UTS2R: variants seen among roughly 807,000 people sequenced by gnomAD.
The protein encoded by UTS2R is urotensin 2 receptor, also known as urotensin-2 receptor.
For missense variants in UTS2R, 653 were observed against 562.2 expected (o/e 1.16, Z -1.63); for synonymous variants, 335 against 280.9 (o/e 1.19, Z -1.93).
Position 82,374,616 on chromosome 17 carries a change from C to T in UTS2R, c.292C>T (p.Leu98=). 6.2e-7 allele frequency: 1 copy of T among 1,611,892 alleles called. No homozygotes were observed. The highest frequency in any genetic ancestry group is 1.7e-4 in the Middle Eastern group (1 of 6,060). ...VYVVNLALAD[L]LYLLSIPFIV... is the part of the protein sequence containing the mutation. The stretch of plus-strand genomic sequence containing the variant: ...CGTGGTCAACCTGGCGCTGGCCGAC[C>T]TGCTGTACCTGCTCAGCATCCCCTT... The change falls in exon 3 of 3, where the codon CTG becomes TTG. Residue 98 remains leucine (L), a synonymous_variant. Transcript: ENST00000313135.
In UTS2R at chr17:82,374,365, TG is replaced by T; in HGVS notation, c.43del (p.Ala15ProfsTer118). On this transcript the variant is annotated frameshift_variant, in exon 3 of 3. Transcript: ENST00000313135. LOFTEE classifies it low-confidence loss of function (END_TRUNC). The stretch of plus-strand genomic sequence containing the variant: ...GAGTCCCCGAGCAGCTTCCCTGGGC[TG>T]GCCGCCACTGGCAGCTCTGTGCCGG... ...TPESPSSFPG[L>X]AATGSSVPEP... The T allele has an allele frequency of 6.3e-7, 1 of 1,584,316 alleles. No homozygotes were observed. The highest frequency in any genetic ancestry group is 1.1e-5 in the South Asian group (1 of 88,376).
At position 82,374,986 on chromosome 17, in the gene UTS2R, C is replaced by T; in HGVS notation, c.662C>T (p.Ala221Val). 1.6e-6 allele frequency: 2 copies of T among 1,240,120 alleles called. No homozygotes were observed. Among genetic ancestry groups the T allele is most frequent in the African/African-American group, 1.6e-5 (1 of 64,346 alleles). The allele number at this position is 1,240,120 out of a possible 1,614,324, so 76.8% of individuals were successfully genotyped here. A position where few individuals can be genotyped will look rare whatever the true frequency, so the allele number is the denominator to read the frequency against. Residue 221 changes from alanine (A) to valine (V), a missense_variant, in exon 3 of 3, where the codon GCG becomes GTG. Physicochemically the swap from Ala to Val is moderately conservative, Grantham distance 64. Coordinates refer to ENST00000313135, the MANE Select transcript of UTS2R (RefSeq NM_018949.3). ...ACGCTGCTCTTCGCCACCAGCATCGCGGGGCCCGGGCTGCTCATCGGGCTG... is the reference window on the plus strand; with the variant it reads ...ACGCTGCTCTTCGCCACCAGCATCGTGGGGCCCGGGCTGCTCATCGGGCTG... ...YLTLLFATSI[A>V]GPGLLIGLLY...
rs2052454502 is a variant in UTS2R at position 82,371,948 on chromosome 17, G to A, written c.-368G>A. 6.6e-6 allele frequency among the ~76,000 whole-genome samples: 1 copy of A among 151,958 alleles called. No individual in the cohort carries two copies. Among genetic ancestry groups the A allele is most frequent in the African/African-American group, 2.4e-5 (1 of 41,400 alleles). ...GGGAGCGCGCCTCGGAAAGTTCCCC[G>A]CGGCCCCGCTGCGCGAGGAGTTTGG... On this transcript the variant is annotated 5_prime_UTR_variant, in exon 1 of 3. Coordinates refer to ENST00000313135, the MANE Select transcript of UTS2R (RefSeq NM_018949.3). The surrounding 1 kb of genome is among the most constrained non-coding windows in gnomAD (Gnocchi z 6.3).
chr17:82,372,082 G>T (rs1240791209), intron 1 of UTS2R, among the ~76,000 whole-genome samples, 35 bp downstream of exon 1: 2 of 152,172 alleles, frequency 1.3e-5, no homozygotes, highest in Admixed American at 6.5e-5. Flanking sequence ...AGCGCGCGGG[G>T]ACTGCCGGGT....
chr17:82,375,758 C>T lies in UTS2R; in HGVS notation c.*264C>T, dbSNP rs1217908407. 1.3e-5 allele frequency among the ~76,000 whole-genome samples: 2 copies of T among 152,234 alleles called. No individual in the cohort carries two copies. The highest frequency in any genetic ancestry group is 6.5e-5 in the Admixed American group (1 of 15,290). ...ACAGAGGGCAGCAGGCGCCAGTGCCCGGCCCGTGTGGAGACCATGGCGCGG... is the reference window on the plus strand; with the variant it reads ...ACAGAGGGCAGCAGGCGCCAGTGCCTGGCCCGTGTGGAGACCATGGCGCGG... On this transcript the variant is annotated 3_prime_UTR_variant, in exon 3 of 3. Transcript: ENST00000313135.
rs368102725 is a variant in UTS2R at position 82,373,049 on chromosome 17, C to T, written c.-83+266C>T. Among the ~76,000 whole-genome samples the T allele has an allele frequency of 2.0e-5, 3 of 152,288 alleles. No homozygotes were observed. The East Asian group carries it at 5.8e-4, about 29-fold the overall frequency. The stretch of plus-strand genomic sequence containing the variant: ...GCGTGGGTGTCCTTTTCAGGAAGTC[C>T]CCGGTCACGGTTTTGGTCTCTTTTT... On this transcript the variant is annotated intron_variant, in intron 2 of 2. Coordinates refer to ENST00000313135, the MANE Select transcript of UTS2R (RefSeq NM_018949.3).
Position 82,372,268 on chromosome 17 carries a change from C to T in UTS2R, c.-269+221C>T, listed in dbSNP as rs541713337. ...TCCTAGCGGCCCGGCGGCCGCTGTC[C>T]CCCTGCCCGTGACTCGGGCTCGCGC... is the stretch of plus-strand genomic sequence containing the variant. On this transcript the variant is annotated intron_variant, in intron 1 of 2. Transcript: ENST00000313135. 1.1e-4 allele frequency among the ~76,000 whole-genome samples: 16 copies of T among 152,310 alleles called. No homozygotes were observed. In the East Asian group the frequency reaches 1.2e-3, roughly 11 times the overall value.
In UTS2R at chr17:82,374,629, T is replaced by C; in HGVS notation, c.305T>C (p.Leu102Pro). The C allele has an allele frequency of 6.2e-7, 1 of 1,612,886 alleles. No individual in the cohort carries two copies. Among genetic ancestry groups the C allele is most frequent in the Non-Finnish European group, 8.5e-7 (1 of 1,179,718 alleles). ...GCGCTGGCCGACCTGCTGTACCTGC[T>C]CAGCATCCCCTTCATCGTGGCCACC... is the stretch of plus-strand genomic sequence containing the variant. The part of the protein sequence containing the change: ...NLALADLLYL[L>P]SIPFIVATYV... The change falls in exon 3 of 3, where the codon CTC becomes CCC. Residue 102 changes from leucine (L) to proline (P), a missense_variant. Coordinates refer to ENST00000313135, the MANE Select transcript of UTS2R (RefSeq NM_018949.3).
rs947688278 is a variant in UTS2R at position 82,375,955 on chromosome 17, G to A, written c.*461G>A. Among the ~76,000 whole-genome samples, 1 of 152,354 alleles carries A rather than the reference G, an allele frequency of 6.6e-6. No homozygotes were observed. The highest frequency in any genetic ancestry group is 1.9e-4 in the East Asian group (1 of 5,178). ...CATCTGAGGTGTGGGAGGATCGGCC[G>A]GCAGGATCCCCAGGACGACAACGGC... On this transcript the variant is annotated 3_prime_UTR_variant, in exon 3 of 3. Coordinates refer to ENST00000313135, the MANE Select transcript of UTS2R (RefSeq NM_018949.3).
rs746658457 is a variant in UTS2R, at chr17:82,375,334, G to T, written c.1010G>T (p.Gly337Val). Reference sequence around the variant, plus strand: ...CGCGTGCGGGGCCCGGGCAGCGGGGGAGGCCGGGGGCCCGTTCCCTCCCTG... The same window carrying T: ...CGCGTGCGGGGCCCGGGCAGCGGGGTAGGCCGGGGGCCCGTTCCCTCCCTG... ...RGRVRGPGSGGGRGPVPSLQP... is the reference protein window; with the variant it reads ...RGRVRGPGSGVGRGPVPSLQP... Residue 337 changes from glycine to valine, a missense_variant, in exon 3 of 3, where the codon GGA becomes GTA. Transcript: ENST00000313135. 1.9e-6 allele frequency: 3 copies of T among 1,555,410 alleles called. No homozygotes were observed. The highest frequency in any genetic ancestry group is 2.8e-5 in the African/African-American group (2 of 71,324).
rs1396905947 is a variant in UTS2R at position 82,374,456 on chromosome 17, C to T, written c.132C>T (p.Ser44=). 3 of 1,598,878 alleles carry T rather than the reference C, an allele frequency of 1.9e-6. No individual in the cohort carries two copies. The highest frequency in any genetic ancestry group is 2.6e-6 in the Non-Finnish European group (3 of 1,175,044). The part of the protein sequence containing the change: ...SSWASPTEPS[S]LEDLVATGTI... ...GGGCCAGCCCGACCGAGCCCAGCTCCCTGGAGGACCTGGTGGCCACGGGCA... is the reference window on the plus strand; with the variant it reads ...GGGCCAGCCCGACCGAGCCCAGCTCTCTGGAGGACCTGGTGGCCACGGGCA... Residue 44 remains serine, a synonymous_variant, in exon 3 of 3, where the codon TCC becomes TCT. Transcript: ENST00000313135.
chr17:82,375,358 T>G lies in UTS2R; in HGVS notation c.1034T>G (p.Leu345Arg), dbSNP rs1268935222. 1.3e-6 allele frequency: 2 copies of G among 1,577,242 alleles called. No homozygotes were observed. The highest frequency in any genetic ancestry group is 1.8e-5 in the Admixed American group (1 of 56,622). The change falls in exon 3 of 3, where the codon CTG becomes CGG. Residue 345 changes from leucine (L) to arginine (R), a missense_variant. Leu to Arg is a moderately radical substitution (Grantham distance 102). Coordinates refer to ENST00000313135, the MANE Select transcript of UTS2R (RefSeq NM_018949.3). ...GGAGGCCGGGGGCCCGTTCCCTCCC[T>G]GCAGCCCCGCGCCCGCTTCCAGCGC... ...SGGGRGPVPS[L>R]QPRARFQRCS...
chr17:82,374,839 G>A lies in UTS2R; in HGVS notation c.515G>A (p.Gly172Asp), dbSNP rs1233357023. 2.8e-6 allele frequency: 4 copies of A among 1,443,236 alleles called. No individual in the cohort carries two copies. In the African/African-American group the frequency reaches 4.2e-5, roughly 15 times the overall value. 89.4% of individuals were successfully genotyped at this position (1,443,236 alleles called of 1,614,324 possible). Reference protein sequence around the residue: ...PKGYRKLLALGTWLLALLLTL... With the variant: ...PKGYRKLLALDTWLLALLLTL... ...GGCTACCGCAAGCTGCTGGCGCTGG[G>A]CACCTGGCTGCTGGCGCTGCTGCTG... The change falls in exon 3 of 3, where the codon GGC (glycine) becomes GAC (aspartate). Residue 172 changes from glycine to aspartate, a missense_variant. Physicochemically the swap from Gly to Asp is moderately conservative, Grantham distance 94. Coordinates refer to ENST00000313135, the MANE Select transcript of UTS2R (RefSeq NM_018949.3).
At chr17:82,372,416 G>T (rs1419746953) in intron 1 of UTS2R, among the ~76,000 whole-genome samples, 182 bp from the exon 2 acceptor site, 1 of 152,190 alleles carries the variant, frequency 6.6e-6, no homozygotes, top group African/African-American at 2.4e-5. Flanking sequence ...GCTGGGAGCT[G>T]CTCGGCCTGG....
rs558216937 is a variant in UTS2R at position 82,372,015 on chromosome 17, G to A, written c.-301G>A. 3.9e-5 allele frequency among the ~76,000 whole-genome samples: 6 copies of A among 152,174 alleles called. No individual in the cohort carries two copies. In the East Asian group the frequency reaches 9.7e-4, roughly 25 times the overall value. On this transcript the variant is annotated 5_prime_UTR_variant, in exon 1 of 3. Coordinates refer to ENST00000313135, the MANE Select transcript of UTS2R (RefSeq NM_018949.3). ...CCCCACGCGCGACCCCAGGCTCGGCGGGCAGGTCTGGCCGCTCAGTGACCG... is the reference window on the plus strand; with the variant it reads ...CCCCACGCGCGACCCCAGGCTCGGCAGGCAGGTCTGGCCGCTCAGTGACCG...
Position 82,374,854 on chromosome 17 carries a change from C to A in UTS2R, c.530C>A (p.Ala177Glu). 2.2e-6 allele frequency: 3 copies of A among 1,378,640 alleles called. No homozygotes were observed. Among genetic ancestry groups the A allele is most frequent in the African/African-American group, 1.4e-5 (1 of 70,820 alleles). The allele number at this position is 1,378,640 out of a possible 1,614,324, so 85.4% of individuals were successfully genotyped here. A position where few individuals can be genotyped will look rare whatever the true frequency, so the allele number is the denominator to read the frequency against. ...CTGGCGCTGGGCACCTGGCTGCTGG[C>A]GCTGCTGCTGACGCTGCCCGTGATG... ...KLLALGTWLL[A>E]LLLTLPVMLA... Residue 177 changes from alanine to glutamate, a missense_variant, in exon 3 of 3, where the codon GCG (alanine) becomes GAG (glutamate). Ala to Glu is a moderately radical substitution (Grantham distance 107, BLOSUM62 -1). Transcript: ENST00000313135.
chr17:82,374,591 C>T lies in UTS2R; in HGVS notation c.267C>T (p.Tyr89=), dbSNP rs1334437067. The T allele has an allele frequency of 1.2e-6, 2 of 1,606,584 alleles. No homozygotes were observed. Among genetic ancestry groups the T allele is most frequent in the African/African-American group, 1.3e-5 (1 of 74,948 alleles). Residue 89 remains tyrosine, a synonymous_variant, in exon 3 of 3, where the codon TAC becomes TAT. Coordinates refer to ENST00000313135, the MANE Select transcript of UTS2R (RefSeq NM_018949.3). ...SLRAVASMYV[Y]VVNLALADLL... is the part of the protein sequence containing the mutation. The stretch of plus-strand genomic sequence containing the variant: ...GTGCGGTGGCCTCCATGTACGTCTA[C>T]GTGGTCAACCTGGCGCTGGCCGACC...
Position 82,372,025 on chromosome 17 carries a change from G to A in UTS2R, c.-291G>A, listed in dbSNP as rs1258937352. ...GACCCCAGGCTCGGCGGGCAGGTCT[G>A]GCCGCTCAGTGACCGGAGGCAGGTG... is the stretch of plus-strand genomic sequence containing the variant. On this transcript the variant is annotated 5_prime_UTR_variant, in exon 1 of 3. Transcript: ENST00000313135. 6.6e-6 allele frequency among the ~76,000 whole-genome samples: 1 copy of A among 152,124 alleles called. No individual in the cohort carries two copies. The highest frequency in any genetic ancestry group is 2.4e-5 in the African/African-American group (1 of 41,432).
rs2052474598 is a variant in UTS2R, at chr17:82,374,567, T to A, written c.243T>A (p.Arg81=). Residue 81 remains arginine, a synonymous_variant, in exon 3 of 3, where the codon CGT becomes CGA. Transcript: ENST00000313135. The part of the protein sequence containing the change: ...YTLVVTCRSL[R]AVASMYVYVV... ...TGGTGGTCACCTGCCGCTCCCTGCG[T>A]GCGGTGGCCTCCATGTACGTCTACG... 6.3e-7 allele frequency: 1 copy of A among 1,597,388 alleles called. No individual in the cohort carries two copies. Among genetic ancestry groups the A allele is most frequent in the Non-Finnish European group, 8.5e-7 (1 of 1,172,624 alleles).
Sources: gnomAD v4.1 joint callset for allele counts (sites outside exome capture counted in the v4.1 genomes callset) on GRCh38, gnomAD v4.1.1 for gene constraint, Gnocchi (gnomAD v3.1) non-coding constraint, MANE v1.5 for transcripts, NCBI Gene and HGNC (gene_info 2026-07-23, HGNC 2026-07-21) for gene names.